Variants in COMMD1 observed in about 807,000 individuals in gnomAD.
COMMD1 encodes COMM domain-containing protein 1.
COMMD1 carries 10 observed loss-of-function variants against 17.2 expected under a neutral mutation model. The ratio of observed to expected loss-of-function variants is 0.58; its 90% CI spans 0.36 to 0.99. COMMD1 has a LOEUF of 0.99. Among genes scored for constraint, COMMD1 ranks in the 50% least tolerant of loss-of-function variants. COMMD1 has a pLI of 0.01. For missense variants in COMMD1, 270 were observed against 231.8 expected, an observed-to-expected ratio of 1.17 and a Z score of -1.07; for synonymous variants, 97 against 91.6, an observed-to-expected ratio of 1.06 and a Z score of -0.34.
chr2:62,064,652 G>A (rs758246676), intron 2 of COMMD1, among the ~76,000 whole-genome samples: 1 of 152,074 alleles, frequency 6.6e-6, no homozygotes, highest in Non-Finnish European at 1.5e-5. Context: ...TAGCCCTCAG[G>A]TATTGTCTTC....
intron 2 of COMMD1, among the ~76,000 whole-genome samples, chr2:62,043,146 C>G (rs958005590): frequency 6.6e-6 from 1 of 152,192 alleles, no homozygotes; most frequent in African/African-American, 2.4e-5. Context: ...CCAGCTAAGC[C>G]AGTGACACTG....
At position 61,942,928 on chromosome 2, in the gene COMMD1, CAT is replaced by C. The variant is rs371403118; in HGVS notation, c.180+37084_180+37085del. 4.9e-3 allele frequency among the ~76,000 whole-genome samples: 738 copies of C among 150,130 alleles called. 8 individuals carry two copies. Among genetic ancestry groups the C allele is most frequent in the African/African-American group, 0.016 (649 of 41,074 alleles). On this transcript the variant is annotated intron_variant, in intron 1 of 2. Transcript: ENST00000311832. ...GAATATGTGTACATATACCTAAACA[CAT>C]ATATATATATATACACTCATACAAA...
intron 2 of COMMD1, among the ~76,000 whole-genome samples, chr2:62,119,950 A>T (rs1276510145): frequency 6.6e-6 from 1 of 152,194 alleles, no homozygotes; most frequent in African/African-American, 2.4e-5. Context: ...ATGTTCAGGC[A>T]ACTCTGGATG....
At chr2:61,974,896 T>C (rs1197509562) in intron 1 of COMMD1, among the ~76,000 whole-genome samples, 1 of 151,964 alleles carries the variant, frequency 6.6e-6, no homozygotes, top group Admixed American at 6.6e-5. Context: ...TTGTTTACAT[T>C]AGCGTTCACT....
chr2:61,932,884 C>T (rs1670505110), intron 1 of COMMD1, among the ~76,000 whole-genome samples: 1 of 152,186 alleles, frequency 6.6e-6, no homozygotes. Context: ...GCTCTTTCAG[C>T]TCTCCTGTCC....
In COMMD1 at chr2:62,086,910, C is replaced by T. The variant is rs141487910; in HGVS notation, c.463-48921C>T. ...TCCCTCTGTTGCCCAGGCTGGAGTG[C>T]GGTAGTGCGATCTCAGCTCACTGCA... On this transcript the variant is annotated intron_variant, in intron 2 of 2. Transcript: ENST00000311832. Among the ~76,000 whole-genome samples, 320 of 151,376 alleles carry T rather than the reference C, an allele frequency of 2.1e-3. 2 individuals carry two copies. Among genetic ancestry groups the T allele is most frequent in the African/African-American group, 7.0e-3 (288 of 41,198 alleles).
chr2:62,002,789 G>A (rs2103809894), intron 2 of COMMD1, among the ~76,000 whole-genome samples: 1 of 151,988 alleles, frequency 6.6e-6, no homozygotes, highest in African/African-American at 2.4e-5. Context: ...CTGGGAGGTG[G>A]AGGTTGCAGT....
chr2:61,980,576 G>A (rs1288564077), intron 1 of COMMD1, among the ~76,000 whole-genome samples: 14 of 139,612 alleles, frequency 1.0e-4, no homozygotes, highest in South Asian at 4.9e-4. Flanking sequence ...CATGTCCTTC[G>A]CCCACTTTTT....
intron 2 of COMMD1, among the ~76,000 whole-genome samples, chr2:62,047,762 C>T (rs1488386753): frequency 6.6e-6 from 1 of 151,928 alleles, no homozygotes; most frequent in Non-Finnish European, 1.5e-5. Flanking sequence ...CGGTAAATGC[C>T]CTTTTACCAT....
intron 1 of COMMD1, among the ~76,000 whole-genome samples, chr2:61,981,673 C>T (rs191663832): frequency 3.1e-4 from 47 of 152,258 alleles, no homozygotes; most frequent in African/African-American, 7.5e-4. Flanking sequence ...AGGCACATCT[C>T]ACATGAAGGT....
intron 2 of COMMD1, among the ~76,000 whole-genome samples, chr2:62,086,250 C>G (rs893411488): frequency 6.6e-6 from 1 of 151,998 alleles, no homozygotes; most frequent in Non-Finnish European, 1.5e-5. Flanking sequence ...TGGCTCAAGC[C>G]TGTAAACCCA....
intron 1 of COMMD1, among the ~76,000 whole-genome samples, chr2:61,972,665 A>G (rs1369333058): frequency 6.6e-6 from 1 of 152,200 alleles, no homozygotes; most frequent in African/African-American, 2.4e-5. Context: ...ACCTTTGTCT[A>G]ACCAGGAGGC....
chr2:62,069,028 A>G (rs1158027184), intron 2 of COMMD1, among the ~76,000 whole-genome samples: 3 of 152,168 alleles, frequency 2.0e-5, no homozygotes, highest in African/African-American at 7.2e-5. Context: ...AAATCCAACT[A>G]TATTAAATAG....
rs1671246409 is a variant in COMMD1, at chr2:62,073,206, G to T, written c.463-62625G>T. On this transcript the variant is annotated intron_variant, in intron 2 of 2. Transcript: ENST00000311832. ...ATGGCCCTGCAAAGCCATCTTTTGTGGGGGAAATTTGCATTTGTAGAGAAT... is the reference window on the plus strand; with the variant it reads ...ATGGCCCTGCAAAGCCATCTTTTGTTGGGGAAATTTGCATTTGTAGAGAAT... Among the ~76,000 whole-genome samples, 4 of 152,206 alleles carry T rather than the reference G, an allele frequency of 2.6e-5. No individual in the cohort carries two copies. In the South Asian group the frequency reaches 6.2e-4, roughly 24 times the overall value.
intron 1 of COMMD1, among the ~76,000 whole-genome samples, chr2:61,982,997 A>G (rs1671998591): frequency 6.6e-6 from 1 of 152,042 alleles, no homozygotes; most frequent in African/African-American, 2.4e-5. Flanking sequence ...AAAATTTTTA[A>G]TGTATCTTTG....
chr2:61,928,066 GT>G (rs145006627), intron 1 of COMMD1, among the ~76,000 whole-genome samples: 3 of 148,654 alleles, frequency 2.0e-5, no homozygotes, highest in African/African-American at 4.9e-5. Flanking sequence ...TGCCTGGCCA[GT>G]TTTTTTTTTC....
intron 1 of COMMD1, among the ~76,000 whole-genome samples, chr2:61,998,249 T>TC (rs1390999383): frequency 6.7e-6 from 1 of 149,064 alleles, no homozygotes; most frequent in East Asian, 1.9e-4. Flanking sequence ...GTGCTTTCTT[T>TC]TTTTTTTTTT....
In COMMD1 at chr2:62,056,717, T is replaced by C. The variant is rs139688404; in HGVS notation, c.462+55735T>C. On this transcript the variant is annotated intron_variant, in intron 2 of 2. Coordinates refer to ENST00000311832, the MANE Select transcript of COMMD1 (RefSeq NM_152516.4). ...CACCAATCTCAGCTTTCAAAAGAGT[T>C]TGAGCATTACTTTCCAACCACAAAA... 6.8e-4 allele frequency among the ~76,000 whole-genome samples: 103 copies of C among 152,310 alleles called. 1 individual carries two copies. The highest frequency in any genetic ancestry group is 2.5e-3 in the African/African-American group (102 of 41,570).
chr2:62,113,629 C>G (rs1226646818), intron 2 of COMMD1, among the ~76,000 whole-genome samples: 2 of 152,202 alleles, frequency 1.3e-5, no homozygotes, highest in African/African-American at 4.8e-5. Flanking sequence ...GGTCATCCAC[C>G]TGCCTTGGCC....
Sources: gnomAD v4.1 joint callset for allele counts (sites outside exome capture counted in the v4.1 genomes callset) on GRCh38, gnomAD v4.1.1 for gene constraint, MANE v1.5 for transcripts, NCBI Gene and HGNC (gene_info 2026-07-23, HGNC 2026-07-21) for gene names.